RUNDC3A: variants seen among roughly 807,000 people sequenced by gnomAD.
RUNDC3A encodes RUN domain containing 3A.
Under a neutral mutation model 53.9 loss-of-function variants are expected in RUNDC3A, and 28 were observed. That is an observed-to-expected ratio of 0.52 (90% CI 0.38 to 0.71). The LOEUF is 0.71. Among genes scored for constraint, RUNDC3A ranks in the 30% least tolerant of loss-of-function variants. The pLI is 0.00. For synonymous variants in RUNDC3A, 232 were observed against 249.4 expected, an observed-to-expected ratio of 0.93 and a Z score of 0.66; for missense variants, 491 against 597.3, an observed-to-expected ratio of 0.82 and a Z score of 1.85.
At position 44,308,724 on chromosome 17, in the gene RUNDC3A, T is replaced by A; in HGVS notation, c.-109T>A. On this transcript the variant is annotated 5_prime_UTR_variant, in exon 1 of 11. It adds an upstream start codon to the 5' untranslated region. Coordinates refer to ENST00000426726, the MANE Select transcript of RUNDC3A (RefSeq NM_001144825.2). ...AGGCAGGGGGATGGCCATGGAAGGGTTGAGGGGCCCCGTCGGACAGAGGGC... is the reference window on the plus strand; with the variant it reads ...AGGCAGGGGGATGGCCATGGAAGGGATGAGGGGCCCCGTCGGACAGAGGGC... 1.6e-6 allele frequency: 1 copy of A among 641,546 alleles called. No homozygotes were observed. Among genetic ancestry groups the A allele is most frequent in the Non-Finnish European group, 2.5e-6 (1 of 392,640 alleles). 39.7% of individuals were successfully genotyped at this position (641,546 alleles called of 1,614,324 possible).
chr17:44,315,335 C>T lies in RUNDC3A; in HGVS notation c.795+15C>T. 8.7e-7 allele frequency: 1 copy of T among 1,150,156 alleles called. No homozygotes were observed. Among genetic ancestry groups the T allele is most frequent in the Non-Finnish European group, 1.1e-6 (1 of 914,086 alleles). 71.2% of individuals were successfully genotyped at this position (1,150,156 alleles called of 1,614,324 possible). A position where few individuals can be genotyped will look rare whatever the true frequency, so the allele number is the denominator to read the frequency against. On this transcript the variant is annotated intron_variant, in intron 7 of 10. Coordinates refer to ENST00000426726, the MANE Select transcript of RUNDC3A (RefSeq NM_001144825.2). This position sits in a 1 kb window ranked among gnomAD's most constrained non-coding sequence, Gnocchi z 6.1. ...ACGCGCAGAAGGTGCGCGACGCCGGCGGGCCCGGGGGGCGGGCGGGCCGGG... is the reference window on the plus strand; with the variant it reads ...ACGCGCAGAAGGTGCGCGACGCCGGTGGGCCCGGGGGGCGGGCGGGCCGGG...
At chr17:44,314,864 C>T (rs777069077) in intron 5 of RUNDC3A, 40 bp downstream of exon 5, 3 of 1,613,770 alleles carry the variant, frequency 1.9e-6, no homozygotes, top group Non-Finnish European at 2.5e-6. Context: ...GGGGCTGTTT[C>T]CCCCATAAAT....
intron 10 of RUNDC3A, chr17:44,317,461 T>C (rs778705023): frequency 1.3e-5 from 10 of 780,894 alleles, no homozygotes; most frequent in Non-Finnish European, 2.4e-5. Flanking sequence ...TGACCATTGT[T>C]TCCCCCTTCT....
At chr17:44,309,077 C>G (rs577550180) in intron 1 of RUNDC3A, 138 bp downstream of exon 1, 1 of 627,538 alleles carries the variant, frequency 1.6e-6, no homozygotes, top group Admixed American at 2.8e-5. Context: ...ACTGTCCCTC[C>G]CAGGCCCAGA....
At position 44,313,455 on chromosome 17, in the gene RUNDC3A, G is replaced by A. The variant is rs1417453697; in HGVS notation, c.410G>A (p.Arg137His). The change falls in exon 4 of 11, where the codon CGC becomes CAC. Residue 137 changes from arginine to histidine, a missense_variant. By Grantham distance (29) the Arg-to-His change is conservative. Around this residue, in one of 2 missense-constraint regions of RUNDC3A, gnomAD observed 273 missense variants for 389.0 expected, o/e 0.70. Transcript: ENST00000426726. ...ATCCGGGTGGCACTGATGGAGAAGC[G>A]CATGTCAGAATACATCACCACGGCT... ...AWIRVALMEK[R>H]MSEYITTALR... The A allele has an allele frequency of 3.1e-6, 5 of 1,613,912 alleles. No homozygotes were observed. The highest frequency in any genetic ancestry group is 4.2e-6 in the Non-Finnish European group (5 of 1,179,866).
At position 44,315,364 on chromosome 17, in the gene RUNDC3A, G is replaced by T; in HGVS notation, c.795+44G>T. 1 of 1,310,922 alleles carries T rather than the reference G, an allele frequency of 7.6e-7. No individual in the cohort carries two copies. The highest frequency in any genetic ancestry group is 3.2e-5 in the East Asian group (1 of 31,626). 81.2% of individuals were successfully genotyped at this position (1,310,922 alleles called of 1,614,324 possible). On this transcript the variant is annotated intron_variant, in intron 7 of 10. Transcript: ENST00000426726. The surrounding 1 kb of genome is among the most constrained non-coding windows in gnomAD (Gnocchi z 6.1). ...CCCGGGGGGCGGGCGGGCCGGGCGG[G>T]GGATCCGGGCATCCCGGGGCGGGGC...
At position 44,315,054 on chromosome 17, in the gene RUNDC3A, G is replaced by A; in HGVS notation, c.629+45G>A. 6.2e-7 allele frequency: 1 copy of A among 1,611,776 alleles called. No homozygotes were observed. Among genetic ancestry groups the A allele is most frequent in the Non-Finnish European group, 8.5e-7 (1 of 1,179,334 alleles). On this transcript the variant is annotated intron_variant, in intron 6 of 10. Transcript: ENST00000426726. This position sits in a 1 kb window ranked among gnomAD's most constrained non-coding sequence, Gnocchi z 6.1. ...CGGCGGGGCGGGGGACGGGGCCTCGGGACATCCTGGGGACGTCCTGGTCCC... is the reference window on the plus strand; with the variant it reads ...CGGCGGGGCGGGGGACGGGGCCTCGAGACATCCTGGGGACGTCCTGGTCCC...
rs372744015 is a variant in RUNDC3A at position 44,315,130 on chromosome 17, C to A, written c.630-25C>A. On this transcript the variant is annotated intron_variant, in intron 6 of 10. Coordinates refer to ENST00000426726, the MANE Select transcript of RUNDC3A (RefSeq NM_001144825.2). This position sits in a 1 kb window ranked among gnomAD's most constrained non-coding sequence, Gnocchi z 6.1. ...GCGCGGGGGGAGGGGCGGGACCGGC[C>A]GTGCCCACTGCTCCCTCTCCCAAGC... The A allele has an allele frequency of 1.9e-5, 30 of 1,587,364 alleles. No homozygotes were observed. The East Asian group carries it at 2.8e-4, about 15-fold the overall frequency.
At chr17:44,313,984 T>TACC (rs947266148) in intron 4 of RUNDC3A, 63 of 991,020 alleles carry the variant, frequency 6.4e-5, no homozygotes, top group Admixed American at 2.9e-4. Flanking sequence ...GACAAACTTT[T>TACC]ACCACCACCA....
Position 44,316,680 on chromosome 17 carries a change from C to A in RUNDC3A, c.1153C>A (p.Arg385Ser), listed in dbSNP as rs1189007651. ...AGCCAGTCTGAGCTCGGACTCCCAG[C>A]GCCTGGGAGAGGGCACGCGGGACGA... ...AEASLSSDSQ[R>S]LGEGTRDEEP... The change falls in exon 10 of 11, where the codon CGC (arginine) becomes AGC (serine). Residue 385 changes from arginine to serine, a missense_variant. Transcript: ENST00000426726. 6.4e-7 allele frequency: 1 copy of A among 1,550,396 alleles called. No homozygotes were observed. The highest frequency in any genetic ancestry group is 8.7e-7 in the Non-Finnish European group (1 of 1,146,940).
chr17:44,314,531 G>A, intron 4 of RUNDC3A: 3 of 1,428,256 alleles, frequency 2.1e-6, no homozygotes, highest in Non-Finnish European at 1.8e-6. Context: ...AGTCGGCTCA[G>A]GGAACACCCA....
At position 44,315,661 on chromosome 17, in the gene RUNDC3A, A is replaced by C. The variant is rs2047848150; in HGVS notation, c.953+52A>C. The C allele has an allele frequency of 1.6e-5, 21 of 1,320,174 alleles. No homozygotes were observed. The highest frequency in any genetic ancestry group is 3.2e-5 in the East Asian group (1 of 31,170). 81.8% of individuals were successfully genotyped at this position (1,320,174 alleles called of 1,614,324 possible). A position where few individuals can be genotyped will look rare whatever the true frequency, so the allele number is the denominator to read the frequency against. On this transcript the variant is annotated intron_variant, in intron 8 of 10. Coordinates refer to ENST00000426726, the MANE Select transcript of RUNDC3A (RefSeq NM_001144825.2). The surrounding 1 kb of genome is among the most constrained non-coding windows in gnomAD (Gnocchi z 6.1). ...TGACCCCCGCCGCCCCGACCACATC[A>C]CCGGGTGAACCCCATCTTCACTTCC...
intron 10 of RUNDC3A, 54 bp from the exon 11 acceptor site, chr17:44,318,042 C>CAA: frequency 6.6e-7 from 1 of 1,520,936 alleles, no homozygotes; most frequent in Non-Finnish European, 8.9e-7. Context: ...ACCCCTCTAC[C>CAA]AACTCCCACA....
At chr17:44,316,152 A>G (rs1398938431) in intron 8 of RUNDC3A, among the ~76,000 whole-genome samples, 1 of 151,800 alleles carries the variant, frequency 6.6e-6, no homozygotes, top group East Asian at 1.9e-4. Context: ...GCTGACCCCA[A>G]CAACACTGCA....
In RUNDC3A at chr17:44,315,386, G is replaced by C; in HGVS notation, c.795+66G>C. ...CGGGGGATCCGGGCATCCCGGGGCGGGGCGGGGATGGGGGCCGCGGCCGGG... is the reference window on the plus strand; with the variant it reads ...CGGGGGATCCGGGCATCCCGGGGCGCGGCGGGGATGGGGGCCGCGGCCGGG... On this transcript the variant is annotated intron_variant, in intron 7 of 10. Transcript: ENST00000426726. The surrounding 1 kb of genome is among the most constrained non-coding windows in gnomAD (Gnocchi z 6.1). The C allele has an allele frequency of 7.6e-7, 1 of 1,312,474 alleles. No individual in the cohort carries two copies. The highest frequency in any genetic ancestry group is 2.4e-5 in the South Asian group (1 of 42,086). The allele number at this position is 1,312,474 out of a possible 1,614,324, so 81.3% of individuals were successfully genotyped here. A position where few individuals can be genotyped will look rare whatever the true frequency, so the allele number is the denominator to read the frequency against.
chr17:44,309,285 G>A (rs2047703978), intron 1 of RUNDC3A, among the ~76,000 whole-genome samples: 2 of 152,144 alleles, frequency 1.3e-5, no homozygotes. Context: ...TGGACAGAGG[G>A]GACCCCGTGG....
In RUNDC3A at chr17:44,316,660, G is replaced by T; in HGVS notation, c.1133G>T (p.Ser378Ile). Reference sequence around the variant, plus strand: ...ACGGAGCCGCTGTCAGCTGAAGCCAGTCTGAGCTCGGACTCCCAGCGCCTG... The same window carrying T: ...ACGGAGCCGCTGTCAGCTGAAGCCATTCTGAGCTCGGACTCCCAGCGCCTG... ...MSTEPLSAEASLSSDSQRLGE... is the reference protein window; with the variant it reads ...MSTEPLSAEAILSSDSQRLGE... Residue 378 changes from serine to isoleucine, a missense_variant, in exon 10 of 11, where the codon AGT becomes ATT. Physicochemically the swap from Ser to Ile is moderately radical, Grantham distance 142 (BLOSUM62 -2). Transcript: ENST00000426726. The T allele has an allele frequency of 6.4e-7, 1 of 1,550,786 alleles. No homozygotes were observed. Among genetic ancestry groups the T allele is most frequent in the Non-Finnish European group, 8.7e-7 (1 of 1,147,006 alleles).
Position 44,308,663 on chromosome 17 carries a change from G to C in RUNDC3A, c.-170G>C. 1.3e-5 allele frequency: 6 copies of C among 462,978 alleles called. No individual in the cohort carries two copies. The allele number at this position is 462,978 out of a possible 1,614,324, so 28.7% of individuals were successfully genotyped here. A position where few individuals can be genotyped will look rare whatever the true frequency, so the allele number is the denominator to read the frequency against. On this transcript the variant is annotated 5_prime_UTR_variant, in exon 1 of 11. Coordinates refer to ENST00000426726, the MANE Select transcript of RUNDC3A (RefSeq NM_001144825.2). ...CTTGTTTTGCTCTGGCATCGCCGCC[G>C]GGGGAGGGAGCGAGGGGGCCGGGCA...
At chr17:44,313,288 T>G in intron 3 of RUNDC3A, 36 bp downstream of exon 3, 1 of 1,611,334 alleles carries the variant, frequency 6.2e-7, no homozygotes, top group Non-Finnish European at 8.5e-7. Flanking sequence ...CTCTCTGCTC[T>G]GGACACAGGG....
Sources: allele counts gnomAD v4.1 joint callset (sites outside exome capture counted in the v4.1 genomes callset), GRCh38; gene constraint gnomAD v4.1.1; regional missense constraint gnomAD v4.1.1; non-coding constraint Gnocchi (gnomAD v3.1); transcripts MANE v1.5; gene names NCBI Gene and HGNC (gene_info 2026-07-23, HGNC 2026-07-21).